The following DGKI variants were observed in gnomAD, a reference collection of about 807,000 sequenced individuals.
DGKI encodes diacylglycerol kinase iota.
In DGKI, 55 loss-of-function variants were observed where a neutral mutation model predicts 147.5. The observed-to-expected ratio is 0.37, with a 90% CI of 0.30 to 0.47. The LOEUF (loss-of-function observed/expected upper bound fraction) is 0.47, where lower values mean the gene tolerates loss of function less well. DGKI is among the 20% of genes least tolerant of loss of function. The pLI is 1.00. For missense variants in DGKI, 1,007 were observed against 1,323.8 expected, an observed-to-expected ratio of 0.76 and a Z score of 3.71; for synonymous variants, 469 against 477.1, an observed-to-expected ratio of 0.98 and a Z score of 0.22.
At position 137,585,293 on chromosome 7, in the gene DGKI, T is replaced by C. The variant is rs201911152; in HGVS notation, c.1479A>G (p.Thr493=). 1 of 1,614,172 alleles carries C rather than the reference T, an allele frequency of 6.2e-7. No individual in the cohort carries two copies. Among genetic ancestry groups the C allele is most frequent in the East Asian group, 2.2e-5 (1 of 44,880 alleles). The change falls in exon 14 of 33, where the codon ACA becomes ACG. Residue 493 remains threonine (T), a synonymous_variant. Transcript: ENST00000614521. The stretch of plus-strand genomic sequence containing the variant: ...GGTTCCAGCGATCTAGCTGTACAAC[T>C]GTCCCATCTTCCACTTGACACAGGA... ...SKILCQVEDG[T]VVQLDRWNLH...
chr7:137,538,987 T>C (rs1817603311), intron 20 of DGKI, among the ~76,000 whole-genome samples: 1 of 152,136 alleles, frequency 6.6e-6, no homozygotes, highest in South Asian at 2.1e-4. Context: ...ATGCTTGTGC[T>C]CCAGCTCTAA....
chr7:137,555,343 TAGTC>T (rs1818188989), intron 19 of DGKI, among the ~76,000 whole-genome samples: 1 of 151,862 alleles, frequency 6.6e-6, no homozygotes, highest in South Asian at 2.1e-4. Context: ...TAGGGCAACA[TAGTC>T]AGACTCCATC....
At chr7:137,563,315 T>C (rs551638037) in intron 19 of DGKI, among the ~76,000 whole-genome samples, 87 of 151,950 alleles carry the variant, frequency 5.7e-4, no homozygotes, top group South Asian at 2.1e-3. Context: ...TTATGAAAAA[T>C]ATGGAATGCT....
chr7:137,777,358 T>C (rs1163844631), intron 1 of DGKI, among the ~76,000 whole-genome samples: 3 of 152,104 alleles, frequency 2.0e-5, no homozygotes, highest in South Asian at 2.1e-4. Context: ...AGAAAGAATC[T>C]CCATAAAAAG....
At chr7:137,398,583 T>C (rs1341058503) in intron 30 of DGKI, among the ~76,000 whole-genome samples, 1 of 152,130 alleles carries the variant, frequency 6.6e-6, no homozygotes, top group Non-Finnish European at 1.5e-5. Context: ...AATTAACTTA[T>C]TGTGCATAGT....
At chr7:137,402,882 CTG>C (rs1811813235) in intron 30 of DGKI, among the ~76,000 whole-genome samples, 1 of 152,152 alleles carries the variant, frequency 6.6e-6, no homozygotes, top group African/African-American at 2.4e-5. Flanking sequence ...AAAAGAAAGA[CTG>C]AAGACAGAAA....
At chr7:137,503,794 G>C (rs1816269076) in intron 21 of DGKI, among the ~76,000 whole-genome samples, 2 of 152,076 alleles carry the variant, frequency 1.3e-5, no homozygotes, top group African/African-American at 4.8e-5. Context: ...CTGGGTTACT[G>C]TGAAGATTAA....
intron 21 of DGKI, among the ~76,000 whole-genome samples, chr7:137,498,990 C>G (rs570897429): frequency 6.6e-6 from 1 of 152,084 alleles, no homozygotes. Context: ...AGAATGAGTC[C>G]GTGTGCACTC....
chr7:137,635,588 G>A (rs758259610), intron 6 of DGKI, among the ~76,000 whole-genome samples: 31 of 152,164 alleles, frequency 2.0e-4, no homozygotes, highest in Non-Finnish European at 3.7e-4. Context: ...GTGCAGAAGC[G>A]GCCATGTGAC....
At chr7:137,789,818 C>A (rs1430620902) in intron 1 of DGKI, among the ~76,000 whole-genome samples, 1 of 152,160 alleles carries the variant, frequency 6.6e-6, no homozygotes, top group East Asian at 1.9e-4. Flanking sequence ...AGTAAGAGAA[C>A]CTCCTCTTTG....
In DGKI at chr7:137,640,222, G is replaced by A. The variant is rs994559875; in HGVS notation, c.804+5250C>T. Among the ~76,000 whole-genome samples, 4 of 152,042 alleles carry A rather than the reference G, an allele frequency of 2.6e-5. No homozygotes were observed. In the East Asian group the frequency reaches 7.7e-4, roughly 29 times the overall value. On this transcript the variant is annotated intron_variant, in intron 6 of 32. Coordinates refer to ENST00000614521, the MANE Select transcript of DGKI (RefSeq NM_001321708.2). ...AATCTATAGGATATTACACTGAAGTGAAATAAGACACAGAAGGACAAACAC... is the reference window on the plus strand; with the variant it reads ...AATCTATAGGATATTACACTGAAGTAAAATAAGACACAGAAGGACAAACAC...
chr7:137,813,289 T>C (rs930661314), intron 1 of DGKI, among the ~76,000 whole-genome samples: 2 of 152,202 alleles, frequency 1.3e-5, no homozygotes, highest in African/African-American at 4.8e-5. Context: ...AACCAACTCC[T>C]GACTTGGCCT....
chr7:137,659,737 C>T (rs1253299644), intron 3 of DGKI, among the ~76,000 whole-genome samples: 1 of 152,156 alleles, frequency 6.6e-6, no homozygotes, highest in Non-Finnish European at 1.5e-5. Context: ...TCGAGACCAT[C>T]CTGGCTAACA....
At chr7:137,581,648 T>C (rs1303499108) in intron 15 of DGKI, among the ~76,000 whole-genome samples, 1 of 152,036 alleles carries the variant, frequency 6.6e-6, no homozygotes, top group Non-Finnish European at 1.5e-5. Flanking sequence ...CAGGGTCCCA[T>C]TTGTCTGAAC....
intron 1 of DGKI, among the ~76,000 whole-genome samples, chr7:137,698,768 T>C (rs1823880276): frequency 6.6e-6 from 1 of 152,182 alleles, no homozygotes; most frequent in Non-Finnish European, 1.5e-5. Flanking sequence ...TTAGAAAGTT[T>C]AAGTAATTTA....
rs1226410406 is a variant in DGKI at position 137,472,065 on chromosome 7, CATAT to C, written c.2374-2450_2374-2447del. 6.4e-3 allele frequency among the ~76,000 whole-genome samples: 806 copies of C among 125,414 alleles called. 5 individuals carry two copies. Among genetic ancestry groups the C allele is most frequent in the Middle Eastern group, 0.043 (4 of 94 alleles). 82.3% of individuals were successfully genotyped at this position (125,414 alleles called of 152,430 possible). A position where few individuals can be genotyped will look rare whatever the true frequency, so the allele number is the denominator to read the frequency against. On this transcript the variant is annotated intron_variant, in intron 23 of 32. Coordinates refer to ENST00000614521, the MANE Select transcript of DGKI (RefSeq NM_001321708.2). The stretch of plus-strand genomic sequence containing the variant: ...TATATGTATATATGTTATATACATA[CATAT>C]ATATTATGTTATATATAATATATAC...
At chr7:137,509,845 C>T (rs1719104888) in intron 21 of DGKI, among the ~76,000 whole-genome samples, 1 of 152,168 alleles carries the variant, frequency 6.6e-6, no homozygotes, top group Admixed American at 6.6e-5. Flanking sequence ...CAGCCCACAA[C>T]CCCTCAGGAG....
intron 1 of DGKI, among the ~76,000 whole-genome samples, chr7:137,783,035 C>A (rs1246000331): frequency 6.6e-5 from 10 of 152,276 alleles, no homozygotes; most frequent in Non-Finnish European, 1.3e-4. Context: ...TGAGAAGAAA[C>A]CAGAAAAACA....
chr7:137,733,182 A>G (rs1794932537), intron 1 of DGKI, among the ~76,000 whole-genome samples: 1 of 152,022 alleles, frequency 6.6e-6, no homozygotes, highest in Admixed American at 6.6e-5. Flanking sequence ...ACCACCAACC[A>G]TCTCCAGAAC....
Sources: gnomAD v4.1 joint callset for allele counts (sites outside exome capture counted in the v4.1 genomes callset) on GRCh38, gnomAD v4.1.1 for gene constraint, MANE v1.5 for transcripts, NCBI Gene and HGNC (gene_info 2026-07-23, HGNC 2026-07-21) for gene names.